The following NCOA2 variants were observed in gnomAD, a reference collection of about 807,000 sequenced individuals.
NCOA2 encodes class E basic helix-loop-helix protein 75.
NCOA2 carries 21 observed loss-of-function variants against 145.1 expected under a neutral mutation model. The ratio of observed to expected loss-of-function variants is 0.14; its 90% CI spans 0.10 to 0.21. The LOEUF is 0.21. NCOA2 is among the 10% of genes least tolerant of loss of function. The probability of loss-of-function intolerance (pLI) is 1.00; values close to 1 mark genes in which losing one functional copy is unlikely to be tolerated. For missense variants in NCOA2, 1,472 were observed against 1,837.6 expected (o/e 0.80, Z 3.64); for synonymous variants, 619 against 637.5 (o/e 0.97, Z 0.44).
chr8:70,409,820 T>C, the NCOA2 span, among the ~76,000 whole-genome samples: 4 of 151,868 alleles, frequency 2.6e-5, no homozygotes, highest in Non-Finnish European at 5.9e-5. Context: ...CAGTGAGCCA[T>C]GATCATGCCA....
In NCOA2 at chr8:70,237,556, A is replaced by G. The variant is rs527375346; in HGVS notation, c.-19-20792T>C. On this transcript the variant is annotated intron_variant, in intron 2 of 22. Coordinates refer to ENST00000452400, the MANE Select transcript of NCOA2 (RefSeq NM_006540.4). Reference sequence around the variant, plus strand: ...GGCAGGAGGACTGCTTGAGCTCAGGAGTTTGAGACTAGCCTGGGCAACATA... The same window carrying G: ...GGCAGGAGGACTGCTTGAGCTCAGGGGTTTGAGACTAGCCTGGGCAACATA... Among the ~76,000 whole-genome samples, 6 of 152,074 alleles carry G rather than the reference A, an allele frequency of 3.9e-5. No individual in the cohort carries two copies. In the South Asian group the frequency reaches 1.2e-3, roughly 32 times the overall value.
intron 2 of NCOA2, among the ~76,000 whole-genome samples, chr8:70,260,423 A>G (rs1465805977): frequency 6.6e-6 from 1 of 152,180 alleles, no homozygotes; most frequent in East Asian, 1.9e-4. Flanking sequence ...GGCATGAGGC[A>G]CCACGTCTGG....
chr8:70,334,385 T>C (rs1245692087), intron 1 of NCOA2, among the ~76,000 whole-genome samples: 1 of 152,188 alleles, frequency 6.6e-6, no homozygotes, highest in African/African-American at 2.4e-5. Flanking sequence ...GTGCTCACCC[T>C]GGATCTATAC....
intron 1 of NCOA2, among the ~76,000 whole-genome samples, chr8:70,342,014 T>G (rs1808185274): frequency 2.0e-5 from 3 of 152,188 alleles, no homozygotes; most frequent in African/African-American, 7.2e-5. Flanking sequence ...AACAAACTTT[T>G]TAAACTTTTA....
At chr8:70,375,053 A>T (rs1300211036) in intron 1 of NCOA2, among the ~76,000 whole-genome samples, 1 of 152,164 alleles carries the variant, frequency 6.6e-6, no homozygotes, top group East Asian at 1.9e-4. Flanking sequence ...AAATGAAAAA[A>T]AAAGATATCA....
chr8:70,174,723 T>G (rs761425445), intron 5 of NCOA2, 33 bp downstream of exon 5: 1 of 1,564,094 alleles, frequency 6.4e-7, no homozygotes, highest in African/African-American at 1.4e-5. Flanking sequence ...CAACAAGATT[T>G]TAAAATACAG....
chr8:70,426,617 T>G, the NCOA2 span, among the ~76,000 whole-genome samples: 2 of 152,236 alleles, frequency 1.3e-5, no homozygotes, highest in Admixed American at 1.3e-4. Context: ...CCATTCAATA[T>G]TATTTGATCC....
chr8:70,321,306 T>C (rs1369378187), intron 1 of NCOA2, among the ~76,000 whole-genome samples: 1 of 152,044 alleles, frequency 6.6e-6, no homozygotes, highest in South Asian at 2.1e-4. Flanking sequence ...CCACATTATA[T>C]TCATAAAATA....
intron 5 of NCOA2, among the ~76,000 whole-genome samples, chr8:70,173,539 C>T (rs1814479739): frequency 6.6e-6 from 1 of 152,084 alleles, no homozygotes; most frequent in Non-Finnish European, 1.5e-5. Context: ...ACTCTCTGGC[C>T]TTCCATTGCC....
At chr8:70,149,979 A>C (rs1009371261) in intron 11 of NCOA2, among the ~76,000 whole-genome samples, 1 of 152,210 alleles carries the variant, frequency 6.6e-6, no homozygotes, top group African/African-American at 2.4e-5. Flanking sequence ...CCCCATGCAG[A>C]GGTTGGATAT....
At chr8:70,257,880 C>CAA (rs555764379) in intron 2 of NCOA2, among the ~76,000 whole-genome samples, 45 of 137,464 alleles carry the variant, frequency 3.3e-4, no homozygotes, top group African/African-American at 1.1e-3. Context: ...GCAACAACAG[C>CAA]AAAAAAAAAA....
At chr8:70,419,410 C>G in the NCOA2 span, among the ~76,000 whole-genome samples, 3 of 151,998 alleles carry the variant, frequency 2.0e-5, no homozygotes, top group Non-Finnish European at 4.4e-5. Context: ...AATCTGTTTT[C>G]TTTAAAATTT....
intron 2 of NCOA2, among the ~76,000 whole-genome samples, chr8:70,223,949 G>C (rs1378379092): frequency 6.6e-6 from 1 of 152,170 alleles, no homozygotes; most frequent in African/African-American, 2.4e-5. Context: ...TAATTTGAAA[G>C]CACTTTTCTT....
Position 70,244,192 on chromosome 8 carries a change from A to T in NCOA2, c.-19-27428T>A, listed in dbSNP as rs147874569. ...AATCATATGTGATTTGGAAACATAC[A>T]TACACTTCAGCCCATCTGCTCTAGA... On this transcript the variant is annotated intron_variant, in intron 2 of 22. Transcript: ENST00000452400. 2.0e-5 allele frequency among the ~76,000 whole-genome samples: 3 copies of T among 152,262 alleles called. No homozygotes were observed. In the East Asian group the frequency reaches 5.8e-4, roughly 29 times the overall value.
At chr8:70,128,112 A>G (rs556529900) in intron 18 of NCOA2, among the ~76,000 whole-genome samples, 6 of 152,342 alleles carry the variant, frequency 3.9e-5, no homozygotes, top group African/African-American at 1.2e-4. Flanking sequence ...GATGATGACA[A>G]TGTTGTGACC....
rs1395334900 is a variant in NCOA2 at position 70,156,830 on chromosome 8, C to T, written c.1535G>A (p.Ser512Asn). 1 of 1,614,024 alleles carries T rather than the reference C, an allele frequency of 6.2e-7. No individual in the cohort carries two copies. Among genetic ancestry groups the T allele is most frequent in the Non-Finnish European group, 8.5e-7 (1 of 1,179,908 alleles). The change falls in exon 11 of 23, where the codon AGC becomes AAC. Residue 512 changes from serine (S) to asparagine (N), a missense_variant. Transcript: ENST00000452400. ...IPPSQFSPAG[S>N]LHSPVGVCSS... Reference sequence around the variant, plus strand: ...GCAAACTCCCACAGGGGAATGCAAGCTTCCTGCAGGGGAAAACTGACTGGG... The same window carrying T: ...GCAAACTCCCACAGGGGAATGCAAGTTTCCTGCAGGGGAAAACTGACTGGG...
chr8:70,121,535 A>G (rs1453247411), intron 21 of NCOA2, 144 bp from the exon 22 acceptor site: 5 of 625,668 alleles, frequency 8.0e-6, no homozygotes, highest in East Asian at 5.7e-5. Flanking sequence ...CTCATCCTAC[A>G]CAAGCTCTCC....
chr8:70,133,493 G>A (rs187812805), intron 15 of NCOA2, among the ~76,000 whole-genome samples: 74 of 152,174 alleles, frequency 4.9e-4, no homozygotes, highest in Non-Finnish European at 8.4e-4. Context: ...CCAAGTGCTG[G>A]GATAACAGGC....
At chr8:70,280,749 AG>A (rs1484961132) in intron 2 of NCOA2, among the ~76,000 whole-genome samples, 3 of 139,554 alleles carry the variant, frequency 2.1e-5, no homozygotes, top group Non-Finnish European at 4.8e-5. Context: ...AGTCAAGCAT[AG>A]GATCTACACC....
Sources: gnomAD v4.1 joint callset for allele counts (sites outside exome capture counted in the v4.1 genomes callset) on GRCh38, gnomAD v4.1.1 for gene constraint, MANE v1.5 for transcripts, NCBI Gene and HGNC (gene_info 2026-07-23, HGNC 2026-07-21) for gene names.